The following RYR3 variants were observed in gnomAD, a reference collection of about 807,000 sequenced individuals.
The protein encoded by RYR3 is ryanodine receptor 3.
A neutral mutation model predicts 584.3 loss-of-function variants in RYR3; 207 were observed. The observed-to-expected ratio is 0.35, with a 90% CI of 0.32 to 0.40. The LOEUF (loss-of-function observed/expected upper bound fraction) is 0.40, where lower values mean the gene tolerates loss of function less well. Among genes scored for constraint, RYR3 ranks in the 10% least tolerant of loss-of-function variants. RYR3 has a pLI of 1.00. For synonymous variants in RYR3, 2,416 were observed against 2,248.5 expected (o/e 1.07, Z -2.11); for missense variants, 5,616 against 6,089.2 (o/e 0.92, Z 2.59).
At position 33,785,780 on chromosome 15, in the gene RYR3, T is replaced by C. The variant is rs778859995; in HGVS notation, c.9387T>C (p.His3129=). Residue 3129 remains histidine (H), a synonymous_variant, in exon 66 of 104, where the codon CAT becomes CAC. Transcript: ENST00000634891. ...GGGCCCGGTACACAGAGATGCCCCA[T>C]GTCATCGAGGTGATCTTACCCATGC... is the stretch of plus-strand genomic sequence containing the variant. ...ESGARYTEMP[H]VIEVILPMLC... 6.2e-7 allele frequency: 1 copy of C among 1,613,846 alleles called. No individual in the cohort carries two copies.
chr15:33,446,333 A>G (rs12019029), intron 1 of RYR3, among the ~76,000 whole-genome samples: 38 of 152,330 alleles, frequency 2.5e-4, no homozygotes, highest in African/African-American at 8.7e-4. Flanking sequence ...ATTTCTTTAC[A>G]TGGGTGAAAG....
chr15:33,546,067 C>T (rs2056214804), intron 8 of RYR3, among the ~76,000 whole-genome samples: 1 of 152,216 alleles, frequency 6.6e-6, no homozygotes, highest in African/African-American at 2.4e-5. Context: ...GCCCACTATA[C>T]TCCTCTCCTT....
chr15:33,434,024 C>T (rs568162460), intron 1 of RYR3, among the ~76,000 whole-genome samples: 2 of 152,312 alleles, frequency 1.3e-5, no homozygotes, highest in Admixed American at 1.3e-4. Flanking sequence ...ACTGTGGAAG[C>T]ACCCTCATTC....
chr15:33,540,896 CTTCTTTAAATGCAT>C lies in RYR3; in HGVS notation c.646+9_646+22del. On this transcript the variant is annotated splice_region_variant and intron_variant, in intron 7 of 103. Transcript: ENST00000634891. ...AGGAAGTAGCATCGAAGAAGGTGTG[CTTCTTTAAATGCAT>C]TTAGCCCTGAGCCTGCCTATCTCTC... 6.3e-7 allele frequency: 1 copy of C among 1,590,368 alleles called. No individual in the cohort carries two copies. Among genetic ancestry groups the C allele is most frequent in the South Asian group, 1.1e-5 (1 of 90,548 alleles).
chr15:33,500,480 G>A (rs948912997), intron 2 of RYR3, among the ~76,000 whole-genome samples: 5 of 152,202 alleles, frequency 3.3e-5, no homozygotes, highest in African/African-American at 1.2e-4. Flanking sequence ...TTTCCACATA[G>A]TGAGGCTAAG....
intron 1 of RYR3, among the ~76,000 whole-genome samples, chr15:33,388,337 G>A (rs966996115): frequency 2.6e-5 from 4 of 152,172 alleles, no homozygotes; most frequent in African/African-American, 9.7e-5. Context: ...AAAGTAAAAG[G>A]GAAGATGGTA....
chr15:33,531,461 TAAGA>T (rs1410155874), intron 4 of RYR3, among the ~76,000 whole-genome samples: 1 of 152,070 alleles, frequency 6.6e-6, no homozygotes, highest in Non-Finnish European at 1.5e-5. Context: ...TCTTTCGGTG[TAAGA>T]AAGGCTTGTC....
intron 33 of RYR3, 40 bp downstream of exon 33, chr15:33,659,846 A>G (rs2063042524): frequency 7.5e-7 from 1 of 1,337,020 alleles, no homozygotes; most frequent in East Asian, 2.3e-5. Context: ...ATGACAAGAG[A>G]AAGCAGCACT....
Position 33,562,846 on chromosome 15 carries a change from G to A in RYR3, c.982G>A (p.Glu328Lys), listed in dbSNP as rs745984678. The A allele has an allele frequency of 5.0e-6, 8 of 1,611,552 alleles. No individual in the cohort carries two copies. The highest frequency in any genetic ancestry group is 6.8e-6 in the Non-Finnish European group (8 of 1,178,176). The change falls in exon 11 of 104, where the codon GAG (glutamate) becomes AAG (lysine). Residue 328 changes from glutamate (E) to lysine (K), a missense_variant. Transcript: ENST00000634891. ...FSFRASKELK[E>K]KLDSSHKRDI... The stretch of plus-strand genomic sequence containing the variant: ...TTTGTGTATGAATTAGGAACTCAAG[G>A]AGAAATTAGACTCCAGTCACAAGCG...
At chr15:33,827,382 C>A (rs964696759) in intron 85 of RYR3, 95 bp downstream of exon 85, 2 of 1,133,338 alleles carry the variant, frequency 1.8e-6, no homozygotes, top group Non-Finnish European at 2.6e-6. Context: ...AGGATACAGT[C>A]AAGCCCCTAT....
intron 1 of RYR3, among the ~76,000 whole-genome samples, chr15:33,360,111 A>G (rs919476730): frequency 3.9e-5 from 6 of 152,180 alleles, no homozygotes; most frequent in Non-Finnish European, 8.8e-5. Flanking sequence ...AGCACTTAGT[A>G]CTTGACTCGT....
intron 7 of RYR3, among the ~76,000 whole-genome samples, chr15:33,541,425 C>T (rs1045561270): frequency 6.6e-6 from 1 of 152,076 alleles, no homozygotes; most frequent in Non-Finnish European, 1.5e-5. Context: ...AGTCATCCAA[C>T]GTTGTTCAAT....
intron 38 of RYR3, among the ~76,000 whole-genome samples, chr15:33,688,444 G>A (rs1356177297): frequency 6.6e-6 from 1 of 151,802 alleles, no homozygotes; most frequent in Non-Finnish European, 1.5e-5. Context: ...GTGGTGGCGG[G>A]CACCTGTAGT....
intron 60 of RYR3, among the ~76,000 whole-genome samples, chr15:33,767,822 A>G (rs893594302): frequency 5.3e-5 from 8 of 152,208 alleles, no homozygotes; most frequent in African/African-American, 1.9e-4. Flanking sequence ...TCTCTTCCCA[A>G]GAGCCTCAGC....
chr15:33,540,935 C>G (rs1293968985), intron 7 of RYR3, 45 bp downstream of exon 7: 1 of 1,250,572 alleles, frequency 8.0e-7, no homozygotes, highest in Non-Finnish European at 1.2e-6. Flanking sequence ...GCCTATCTCT[C>G]TTGAGCTGTA....
chr15:33,507,845 C>T (rs372793173), intron 3 of RYR3, among the ~76,000 whole-genome samples: 70 of 152,118 alleles, frequency 4.6e-4, no homozygotes, highest in African/African-American at 1.6e-3. Flanking sequence ...CAATCTATCT[C>T]GTAGGACTGG....
intron 1 of RYR3, among the ~76,000 whole-genome samples, chr15:33,399,755 A>T (rs1412733149): frequency 6.6e-6 from 1 of 152,216 alleles, no homozygotes; most frequent in Non-Finnish European, 1.5e-5. Context: ...TACTAAAATA[A>T]GCCTGAAAGA....
chr15:33,421,102 C>G (rs983797942), intron 1 of RYR3, among the ~76,000 whole-genome samples: 7 of 152,088 alleles, frequency 4.6e-5, no homozygotes, highest in African/African-American at 1.4e-4. Flanking sequence ...TTCATTCATT[C>G]TTTCTGTAGT....
chr15:33,745,939 G>T (rs1596400092), intron 52 of RYR3, 129 bp from the exon 53 acceptor site: 2 of 681,426 alleles, frequency 2.9e-6, no homozygotes, highest in African/African-American at 1.8e-5. Context: ...AGGCATTTTT[G>T]AGGAGAATTT....
Sources: gnomAD v4.1 joint callset for allele counts (sites outside exome capture counted in the v4.1 genomes callset) on GRCh38, gnomAD v4.1.1 for gene constraint, MANE v1.5 for transcripts, NCBI Gene and HGNC (gene_info 2026-07-23, HGNC 2026-07-21) for gene names.